WDR24: variants seen among roughly 807,000 people sequenced by gnomAD.
WDR24 encodes the protein GATOR2 complex protein WDR24.
A neutral mutation model predicts 66.7 loss-of-function variants in WDR24; 32 were observed. That is an observed-to-expected ratio of 0.48 (90% CI 0.36 to 0.64). WDR24 has a LOEUF of 0.64. Ranked by LOEUF, WDR24 falls within the 30% of genes least tolerant of loss-of-function variation. WDR24 has a pLI of 0.00. For synonymous variants in WDR24, 565 were observed against 469.1 expected (o/e 1.20, Z -2.64); for missense variants, 978 against 1,144.1 (o/e 0.85, Z 2.09).
In WDR24 at chr16:685,375, C is replaced by G. The variant is rs1283312557; in HGVS notation, c.1901G>C (p.Gly634Ala). The G allele has an allele frequency of 1.9e-6, 3 of 1,612,126 alleles. No homozygotes were observed. In the African/African-American group the frequency reaches 4.0e-5, roughly 22 times the overall value. ...GTGCAGCATGTCGCGCACCAGCACG[C>G]CGAAGAAGTCGGGCGGCAGGCGGCT... ...YDSRLPPDFF[G>A]VLVRDMLHFY... The change falls in exon 7 of 9, where the codon GGC (glycine) becomes GCC (alanine). Residue 634 changes from glycine (G) to alanine (A), a missense_variant. Gly to Ala is a moderately conservative substitution (Grantham distance 60). Around this residue, in one of 2 missense-constraint regions of WDR24, gnomAD observed 676 missense variants for 617.5 expected, o/e 1.09. Transcript: ENST00000293883.
In WDR24 at chr16:689,806, C is replaced by T. The variant is rs552592159; in HGVS notation, c.-166G>A. On this transcript the variant is annotated 5_prime_UTR_variant, in exon 1 of 9. Coordinates refer to ENST00000293883, the MANE Select transcript of WDR24 (RefSeq NM_032259.4). ...GAGCCAATCCAGGGCTGTCTATCAG[C>T]CAATCAGCCTGACAGGCAAGCTCAA... is the stretch of plus-strand genomic sequence containing the variant. The T allele has an allele frequency of 1.8e-6, 2 of 1,104,514 alleles. No individual in the cohort carries two copies. Among genetic ancestry groups the T allele is most frequent in the Non-Finnish European group, 2.6e-6 (2 of 764,488 alleles). The allele number at this position is 1,104,514 out of a possible 1,614,324, so 68.4% of individuals were successfully genotyped here.
Position 686,191 on chromosome 16 carries a change from G to A in WDR24, c.1333-5C>T. On this transcript the variant is annotated splice_region_variant and splice_polypyrimidine_tract_variant and intron_variant, in intron 3 of 8. Transcript: ENST00000293883. ...CATGGTCCACGTTTGCGCCACCTAG[G>A]GGCGGGCACTGGTCACTTGTGGGCG... The A allele has an allele frequency of 1.9e-6, 3 of 1,612,106 alleles. No homozygotes were observed. The highest frequency in any genetic ancestry group is 2.5e-6 in the Non-Finnish European group (3 of 1,179,758).
In WDR24 at chr16:684,884, G is replaced by T; in HGVS notation, c.2223C>A (p.Ser741Arg). 6.5e-7 allele frequency: 1 copy of T among 1,544,136 alleles called. No homozygotes were observed. Among genetic ancestry groups the T allele is most frequent in the Non-Finnish European group, 8.7e-7 (1 of 1,145,572 alleles). Reference protein sequence around the residue: ...WVCDRCHRCASMCAVCHHVVK... With the variant: ...WVCDRCHRCARMCAVCHHVVK... ...CTACGTGGTGGCAGACGGCACACAT[G>T]CTGGCGCAGCGGTGGCACCTGGGGG... Residue 741 changes from serine (S) to arginine (R), a missense_variant, in exon 9 of 9, where the codon AGC becomes AGA. Physicochemically the swap from Ser to Arg is moderately radical, Grantham distance 110. Around this residue, in one of 2 missense-constraint regions of WDR24, gnomAD observed 676 missense variants for 617.5 expected, o/e 1.09. Coordinates refer to ENST00000293883, the MANE Select transcript of WDR24 (RefSeq NM_032259.4).
Position 689,225 on chromosome 16 carries a change from C to T in WDR24, c.416G>A (p.Gly139Asp). 2 of 1,613,986 alleles carry T rather than the reference C, an allele frequency of 1.2e-6. No homozygotes were observed. The highest frequency in any genetic ancestry group is 2.2e-5 in the East Asian group (1 of 44,886). Residue 139 changes from glycine (G) to aspartate (D), a missense_variant, in exon 1 of 9, where the codon GGC becomes GAC. By Grantham distance (94) the Gly-to-Asp change is moderately conservative (BLOSUM62 -1). Transcript: ENST00000293883. The part of the protein sequence containing the change: ...HPTEAHVLLS[G>D]SQDGFMKCFD... Reference sequence around the variant, plus strand: ...GCACTTCATGAAGCCATCCTGGGAGCCACTGAGCAGCACGTGGGCTTCGGT... The same window carrying T: ...GCACTTCATGAAGCCATCCTGGGAGTCACTGAGCAGCACGTGGGCTTCGGT...
chr16:685,460 A>G lies in WDR24; in HGVS notation c.1816T>C (p.Ser606Pro). 1 of 1,604,720 alleles carries G rather than the reference A, an allele frequency of 6.2e-7. No homozygotes were observed. Among genetic ancestry groups the G allele is most frequent in the Non-Finnish European group, 8.5e-7 (1 of 1,173,502 alleles). ...AAGGAGGAGTCCACGGGGGCCAGGG[A>G]GGCCACATCCGCCTCGCTGCCGCTC... ...HVSGSEADVA[S>P]LAPVDSSFSL... Residue 606 changes from serine to proline, a missense_variant, in exon 7 of 9, where the codon TCC becomes CCC. Coordinates refer to ENST00000293883, the MANE Select transcript of WDR24 (RefSeq NM_032259.4).
Position 689,724 on chromosome 16 carries a change from C to A in WDR24, c.-84G>T. The A allele has an allele frequency of 6.5e-7, 1 of 1,538,914 alleles. No individual in the cohort carries two copies. The highest frequency in any genetic ancestry group is 8.7e-7 in the Non-Finnish European group (1 of 1,144,246). ...AGCCTGGGTGGGTCATCAGTTCAGACCTTCCACCCAGGTTGGGACCCCAGA... is the reference window on the plus strand; with the variant it reads ...AGCCTGGGTGGGTCATCAGTTCAGAACTTCCACCCAGGTTGGGACCCCAGA... On this transcript the variant is annotated 5_prime_UTR_variant, in exon 1 of 9. Transcript: ENST00000293883.
intron 3 of WDR24, 95 bp downstream of exon 3, chr16:686,649 G>A (rs1444374052): frequency 7.0e-7 from 1 of 1,425,146 alleles, no homozygotes; most frequent in Non-Finnish European, 9.5e-7. Flanking sequence ...GGAGTCCATT[G>A]CGGAGCTTGA....
Position 689,490 on chromosome 16 carries a change from T to C in WDR24, c.151A>G (p.Ile51Val). 6.2e-7 allele frequency: 1 copy of C among 1,613,386 alleles called. No individual in the cohort carries two copies. The highest frequency in any genetic ancestry group is 1.1e-5 in the South Asian group (1 of 91,092). ...VVVAGRSIFK[I>V]YAIEEEQFVE... ...AACTGTTCCTCCTCGATGGCATAGA[T>C]CTTGAAGATGCTACGGCCTGCCACG... Residue 51 changes from isoleucine (I) to valine (V), a missense_variant, in exon 1 of 9, where the codon ATC (isoleucine) becomes GTC (valine). Ile to Val is a conservative substitution (Grantham distance 29, BLOSUM62 3). Transcript: ENST00000293883.
At chr16:684,929 C>T (rs2039868281) in intron 8 of WDR24, 27 bp from the exon 9 acceptor site, 1 of 1,536,148 alleles carries the variant, frequency 6.5e-7, no homozygotes, top group Non-Finnish European at 8.8e-7. Flanking sequence ...GGGAGGGTGC[C>T]TCAGCGGGGG....
chr16:687,753 G>A lies in WDR24; in HGVS notation c.482-14C>T, dbSNP rs1226895319. 6.2e-7 allele frequency: 1 copy of A among 1,610,884 alleles called. No homozygotes were observed. The highest frequency in any genetic ancestry group is 1.7e-5 in the Admixed American group (1 of 59,826). ...TCTCCGACTGGCCTGCAGGCAGGAG[G>A]TCGATGCAGGGGAAGTGACGGGGCT... On this transcript the variant is annotated splice_polypyrimidine_tract_variant and intron_variant, in intron 1 of 8. Coordinates refer to ENST00000293883, the MANE Select transcript of WDR24 (RefSeq NM_032259.4).
At position 686,176 on chromosome 16, in the gene WDR24, G is replaced by A. The variant is rs1335317688; in HGVS notation, c.1343C>T (p.Thr448Met). Reference sequence around the variant, plus strand: ...GTAGATGATCCGCAGCATGGTCCACGTTTGCGCCACCTAGGGGCGGGCACT... The same window carrying A: ...GTAGATGATCCGCAGCATGGTCCACATTTGCGCCACCTAGGGGCGGGCACT... ...RELGRNQVAQ[T>M]WTMLRIIYCS... Residue 448 changes from threonine to methionine, a missense_variant, in exon 4 of 9, where the codon ACG becomes ATG. Transcript: ENST00000293883. 3.1e-6 allele frequency: 5 copies of A among 1,612,764 alleles called. No homozygotes were observed. Among genetic ancestry groups the A allele is most frequent in the Non-Finnish European group, 3.4e-6 (4 of 1,179,938 alleles).
chr16:687,471 C>CG, intron 2 of WDR24, 55 bp from the exon 3 acceptor site: 1 of 1,564,622 alleles, frequency 6.4e-7, no homozygotes, highest in South Asian at 1.2e-5. Context: ...AGAGAGGGGA[C>CG]CCCCCCGCTC....
intron 1 of WDR24, chr16:688,166 C>A: frequency 2.3e-6 from 1 of 440,254 alleles, no homozygotes. Flanking sequence ...GGAGCTGGAA[C>A]TGCCTGGTCA....
intron 1 of WDR24, among the ~76,000 whole-genome samples, chr16:688,562 G>C (rs531030264): frequency 6.6e-6 from 1 of 152,370 alleles, no homozygotes; most frequent in Non-Finnish European, 1.5e-5. Context: ...AAAGTGCTGG[G>C]ATTACAGGCA....
At chr16:688,037 G>A (rs903715669) in intron 1 of WDR24, 21 of 563,748 alleles carry the variant, frequency 3.7e-5, no homozygotes, top group Non-Finnish European at 5.7e-5. Flanking sequence ...CTCAGGATGC[G>A]GCAGCTGAGC....
rs762838525 is a variant in WDR24 at position 690,332 on chromosome 16, TC to T, written c.-693del. On this transcript the variant is annotated 5_prime_UTR_variant, in exon 1 of 9. Coordinates refer to ENST00000293883, the MANE Select transcript of WDR24 (RefSeq NM_032259.4). ...ACCAGAGGGCCCGGGGCAGCCCTTCTCCCCCGCGCGAACCCCAATCTTTTAC... is the reference window on the plus strand; with the variant it reads ...ACCAGAGGGCCCGGGGCAGCCCTTCTCCCCGCGCGAACCCCAATCTTTTAC... 3 of 455,812 alleles carry T rather than the reference TC, an allele frequency of 6.6e-6. No homozygotes were observed. Among genetic ancestry groups the T allele is most frequent in the South Asian group, 4.6e-5 (3 of 64,538 alleles). The allele number at this position is 455,812 out of a possible 1,614,324, so 28.2% of individuals were successfully genotyped here. A position where few individuals can be genotyped will look rare whatever the true frequency, so the allele number is the denominator to read the frequency against.
rs369454065 is a variant in WDR24, at chr16:685,799, G to A, written c.1574-16C>T. The A allele has an allele frequency of 3.9e-5, 63 of 1,612,998 alleles. No homozygotes were observed. The highest frequency in any genetic ancestry group is 4.7e-5 in the Non-Finnish European group (56 of 1,179,980). ...TCCTCGTTATCTGCCCGACAATGGGGCGGGCATTCAGGGTCGTCTGGGACA... is the reference window on the plus strand; with the variant it reads ...TCCTCGTTATCTGCCCGACAATGGGACGGGCATTCAGGGTCGTCTGGGACA... On this transcript the variant is annotated splice_polypyrimidine_tract_variant and intron_variant, in intron 5 of 8. Coordinates refer to ENST00000293883, the MANE Select transcript of WDR24 (RefSeq NM_032259.4).
At chr16:689,073 G>A in intron 1 of WDR24, 87 bp downstream of exon 1, 2 of 1,557,846 alleles carry the variant, frequency 1.3e-6, no homozygotes, top group South Asian at 1.2e-5. Context: ...GAGGGCCTCT[G>A]ATGCACGGAG....
Position 687,683 on chromosome 16 carries a change from C to T in WDR24, c.538G>A (p.Ala180Thr). ...QFSIRDYFTF[A>T]STFENGNVQL... ...ACATTGCCGTTCTCAAAGGTGGAGG[C>T]GAAGGTGAAGTAGTCCCGGATACTG... is the stretch of plus-strand genomic sequence containing the variant. Residue 180 changes from alanine (A) to threonine (T), a missense_variant, in exon 2 of 9, where the codon GCC becomes ACC. Around this residue, in one of 2 missense-constraint regions of WDR24, gnomAD observed 302 missense variants for 526.6 expected, o/e 0.57. Coordinates refer to ENST00000293883, the MANE Select transcript of WDR24 (RefSeq NM_032259.4). 2 of 1,613,638 alleles carry T rather than the reference C, an allele frequency of 1.2e-6. No individual in the cohort carries two copies. Among genetic ancestry groups the T allele is most frequent in the Non-Finnish European group, 1.7e-6 (2 of 1,180,004 alleles).
Sources: allele counts gnomAD v4.1 joint callset (sites outside exome capture counted in the v4.1 genomes callset), GRCh38; gene constraint gnomAD v4.1.1; regional missense constraint gnomAD v4.1.1; transcripts MANE v1.5; gene names NCBI Gene and HGNC (gene_info 2026-07-23, HGNC 2026-07-21).